COQ7: variants seen among roughly 807,000 people sequenced by gnomAD.
COQ7 encodes NADPH-dependent 3-demethoxyubiquinone 3-hydroxylase, mitochondrial.
COQ7 carries 21 observed loss-of-function variants against 25.0 expected under a neutral mutation model. The ratio of observed to expected loss-of-function variants is 0.84; its 90% CI spans 0.60 to 1.21. The LOEUF (loss-of-function observed/expected upper bound fraction) is 1.21. Ranked by LOEUF, COQ7 falls within the 50% of genes most tolerant of loss-of-function variation. The pLI is 0.00. For synonymous variants in COQ7, 125 were observed against 112.4 expected, an observed-to-expected ratio of 1.11 and a Z score of -0.71; for missense variants, 311 against 296.2, an observed-to-expected ratio of 1.05 and a Z score of -0.37.
Position 19,072,061 on chromosome 16 carries a change from G to A in COQ7, c.207G>A (p.Gly69=), listed in dbSNP as rs750963283. 1.2e-6 allele frequency: 2 copies of A among 1,614,202 alleles called. No homozygotes were observed. The highest frequency in any genetic ancestry group is 2.2e-5 in the South Asian group (2 of 91,090). The change falls in exon 2 of 6, where the codon GGG becomes GGA. Residue 69 remains glycine, a synonymous_variant. Transcript: ENST00000321998. ...ATGGAGCAAACCGCATCTATGCCGG[G>A]CAGATGGCTGTCCTGGGTCGGACCA... The part of the protein sequence containing the change: ...GEYGANRIYA[G]QMAVLGRTSV...
At position 19,075,818 on chromosome 16, in the gene COQ7, G is replaced by A. The variant is rs757061882; in HGVS notation, c.465G>A (p.Thr155=). 2.5e-6 allele frequency: 4 copies of A among 1,614,094 alleles called. No homozygotes were observed. The African/African-American group carries it at 4.0e-5, about 16-fold the overall frequency. Residue 155 remains threonine, a synonymous_variant, in exon 4 of 6, where the codon ACG becomes ACA. Coordinates refer to ENST00000321998, the MANE Select transcript of COQ7 (RefSeq NM_016138.5). ...IAHHYNNQIR[T]LMEEDPEKYE... ...ATCACTACAACAACCAGATCAGGACGCTGATGGAGGAGGACCCTGAAAAAT... is the reference window on the plus strand; with the variant it reads ...ATCACTACAACAACCAGATCAGGACACTGATGGAGGAGGACCCTGAAAAAT...
chr16:19,071,904 G>A lies in COQ7; in HGVS notation c.74-24G>A, dbSNP rs183273813. On this transcript the variant is annotated intron_variant, in intron 1 of 5. Transcript: ENST00000321998. ...CATCTGGATTTTACCTGATCATAAC[G>A]AAGAATAAACACTTGCATTTCAGCT... 1.5e-4 allele frequency: 248 copies of A among 1,613,430 alleles called. 3 individuals are homozygous for A. The East Asian group carries it at 5.2e-3, about 34-fold the overall frequency.
chr16:19,077,602 T>TTTTTTTTTTTTTTTC (rs1383551592), intron 5 of COQ7, among the ~76,000 whole-genome samples: 1 of 140,272 alleles, frequency 7.1e-6, no homozygotes, highest in Admixed American at 7.3e-5. Flanking sequence ...TTTTTTTTTT[T>TTTTTTTTTTTTTTTC]TTCCCAGACA....
At chr16:19,077,589 G>GTTTTTTTTTTTTTTTTTTTTTTTTTTTT (rs1413837387) in intron 5 of COQ7, among the ~76,000 whole-genome samples, 2 of 18,608 alleles carry the variant, frequency 1.1e-4, no homozygotes, top group Non-Finnish European at 3.7e-4. Flanking sequence ...TTCCCCAGAA[G>GTTTTTTTTTTTTTTTTTTTTTTTTTTTT]CTTTTTTTTT....
At chr16:19,068,649 C>T (rs1444026461) in intron 1 of COQ7, 1 of 229,796 alleles carries the variant, frequency 4.4e-6, no homozygotes, top group African/African-American at 3.0e-5. Flanking sequence ...GAGACTTTGT[C>T]TCCCCCGCGC....
chr16:19,068,664 A>T, intron 1 of COQ7: 1 of 207,682 alleles, frequency 4.8e-6, no homozygotes, highest in Non-Finnish European at 9.8e-6. Flanking sequence ...CCGCGCAAAA[A>T]AAAAAAAAAA....
downstream of COQ7, among the ~76,000 whole-genome samples, chr16:19,080,655 T>C (rs932603311): frequency 6.6e-6 from 1 of 152,080 alleles, no homozygotes; most frequent in African/African-American, 2.4e-5. Flanking sequence ...CAGGTTACAT[T>C]TTAGTGAATA....
chr16:19,067,932 A>T lies in COQ7; in HGVS notation c.73+195A>T, dbSNP rs1596815774. On this transcript the variant is annotated intron_variant, in intron 1 of 5. Transcript: ENST00000321998. The stretch of plus-strand genomic sequence containing the variant: ...GTCTGTAGTTAGCGGCGAGAGTGAC[A>T]GGAGGACAGGGGTTGTTTCGGCAGT... 1.5e-5 allele frequency: 22 copies of T among 1,461,282 alleles called. No homozygotes were observed. The East Asian group carries it at 5.1e-4, about 34-fold the overall frequency. 90.5% of individuals were successfully genotyped at this position (1,461,282 alleles called of 1,614,324 possible). A position where few individuals can be genotyped will look rare whatever the true frequency, so the allele number is the denominator to read the frequency against.
chr16:19,069,567 C>G (rs1047684998), intron 1 of COQ7, among the ~76,000 whole-genome samples: 1 of 151,822 alleles, frequency 6.6e-6, no homozygotes, highest in Admixed American at 6.6e-5. Flanking sequence ...TGCACCACCA[C>G]GCCTGGCTAA....
At chr16:19,069,088 C>T (rs1358170243) in intron 1 of COQ7, among the ~76,000 whole-genome samples, 1 of 152,114 alleles carries the variant, frequency 6.6e-6, no homozygotes, top group African/African-American at 2.4e-5. Context: ...GCTGCATATC[C>T]ATAAGCCACT....
rs756225328 is a variant in COQ7, at chr16:19,072,156, C to T, written c.252+50C>T. 7.5e-6 allele frequency: 12 copies of T among 1,601,040 alleles called. No homozygotes were observed. In the East Asian group the frequency reaches 2.7e-4, roughly 36 times the overall value. On this transcript the variant is annotated intron_variant, in intron 2 of 5. Coordinates refer to ENST00000321998, the MANE Select transcript of COQ7 (RefSeq NM_016138.5). Reference sequence around the variant, plus strand: ...CCCTGGTCTACTGAATGGGCAGATCCAAAGGACTTCAAGTAATGAATCATG... The same window carrying T: ...CCCTGGTCTACTGAATGGGCAGATCTAAAGGACTTCAAGTAATGAATCATG...
chr16:19,068,384 G>A (rs1009748450), intron 1 of COQ7: 3 of 989,118 alleles, frequency 3.0e-6, no homozygotes, highest in East Asian at 1.1e-4. Flanking sequence ...GGGCGCGGTG[G>A]CTCCGGCCTA....
chr16:19,071,669 TGC>T, intron 1 of COQ7: 5 of 475,166 alleles, frequency 1.1e-5, no homozygotes, highest in Non-Finnish European at 1.9e-5. Flanking sequence ...TAGAAGCGGT[TGC>T]CATGTTAACT....
At chr16:19,068,348 C>A in intron 1 of COQ7, 1 of 991,206 alleles carries the variant, frequency 1.0e-6, no homozygotes. Flanking sequence ...TTCATCTGTG[C>A]TGCCTTAGAA....
intron 4 of COQ7, 78 bp from the exon 5 acceptor site, chr16:19,077,228 G>A: frequency 1.6e-6 from 2 of 1,288,116 alleles, no homozygotes; most frequent in Non-Finnish European, 2.3e-6. Flanking sequence ...ATAATAAGAG[G>A]CTTTAGCCTC....
In COQ7 at chr16:19,067,692, C is replaced by A; in HGVS notation, c.28C>A (p.Pro10Thr). ...GAGTTGCGCCGGGGCGGCGGCGGCTCCCCGCCTTTGGCGGCTGCGCCCGGG... is the reference window on the plus strand; with the variant it reads ...GAGTTGCGCCGGGGCGGCGGCGGCTACCCGCCTTTGGCGGCTGCGCCCGGG... MSCAGAAAA[P>T]RLWRLRPGAR... is the part of the protein sequence containing the mutation. Residue 10 changes from proline to threonine, a missense_variant, in exon 1 of 6, where the codon CCC becomes ACC. Transcript: ENST00000321998. 1.2e-6 allele frequency: 2 copies of A among 1,609,640 alleles called. No individual in the cohort carries two copies. Among genetic ancestry groups the A allele is most frequent in the Non-Finnish European group, 8.5e-7 (1 of 1,178,494 alleles).
In COQ7 at chr16:19,067,675, C is replaced by A; in HGVS notation, c.11C>A (p.Ala4Asp). The change falls in exon 1 of 6, where the codon GCC (alanine) becomes GAC (aspartate). Residue 4 changes from alanine to aspartate, a missense_variant. Physicochemically the swap from Ala to Asp is moderately radical, Grantham distance 126. Transcript: ENST00000321998. ...TTTTTAGTTCCGGCAATGAGTTGCG[C>A]CGGGGCGGCGGCGGCTCCCCGCCTT... Reference protein sequence around the residue: MSCAGAAAAPRLWR... With the variant: MSCDGAAAAPRLWR... 6.2e-7 allele frequency: 1 copy of A among 1,612,528 alleles called. No homozygotes were observed. The highest frequency in any genetic ancestry group is 8.5e-7 in the Non-Finnish European group (1 of 1,179,386).
At chr16:19,082,765 T>TTA (rs1963117691), downstream of COQ7, among the ~76,000 whole-genome samples, 1 of 147,546 alleles carries the variant, frequency 6.8e-6, no homozygotes. Flanking sequence ...AGACTCTGTC[T>TTA]AAAAAAAAAA....
intron 3 of COQ7, among the ~76,000 whole-genome samples, chr16:19,074,296 C>T (rs563100485): frequency 4.6e-5 from 7 of 151,772 alleles, no homozygotes; most frequent in South Asian, 2.1e-4. Flanking sequence ...GAGGCCGAGG[C>T]GGGCAGATCA....
Sources: allele counts gnomAD v4.1 joint callset (sites outside exome capture counted in the v4.1 genomes callset), GRCh38; gene constraint gnomAD v4.1.1; transcripts MANE v1.5; gene names NCBI Gene and HGNC (gene_info 2026-07-23, HGNC 2026-07-21).